NR3C2: variants seen among roughly 807,000 people sequenced by gnomAD.
NR3C2 encodes nuclear receptor subfamily 3 group C member 2.
Under a neutral mutation model 86.4 loss-of-function variants are expected in NR3C2, and 15 were observed. The ratio of observed to expected loss-of-function variants is 0.17; its 90% CI spans 0.12 to 0.27. The LOEUF is 0.27. Among genes scored for constraint, NR3C2 ranks in the 10% least tolerant of loss-of-function variants. The pLI is 1.00. For missense variants in NR3C2, 960 were observed against 1,195.6 expected, an observed-to-expected ratio of 0.80 and a Z score of 2.91; for synonymous variants, 458 against 450.5, an observed-to-expected ratio of 1.02 and a Z score of -0.21.
chr4:148,347,864 C>A (rs757458666), intron 2 of NR3C2, among the ~76,000 whole-genome samples: 3 of 152,106 alleles, frequency 2.0e-5, no homozygotes, highest in Non-Finnish European at 2.9e-5. Context: ...TTTCCAATCA[C>A]TACATCCTTA....
intron 2 of NR3C2, among the ~76,000 whole-genome samples, chr4:148,366,015 C>A (rs1012685285): frequency 7.9e-5 from 12 of 151,990 alleles, no homozygotes; most frequent in African/African-American, 1.2e-4. Context: ...AACAAAAAAA[C>A]CCCAGAAAAC....
intron 2 of NR3C2, among the ~76,000 whole-genome samples, chr4:148,388,465 T>C (rs1010644748): frequency 1.3e-5 from 2 of 152,194 alleles, no homozygotes; most frequent in Non-Finnish European, 2.9e-5. Flanking sequence ...TCAACCTATG[T>C]GGAGAGAATG....
chr4:148,318,893 T>C (rs903154884), intron 2 of NR3C2, among the ~76,000 whole-genome samples: 1 of 151,254 alleles, frequency 6.6e-6, no homozygotes, highest in Non-Finnish European at 1.5e-5. Context: ...AGATCCCATT[T>C]GTCAATTTTG....
At chr4:148,442,972 C>T (rs1053465273), upstream of NR3C2, 23 of 985,282 alleles carry the variant, frequency 2.3e-5, no homozygotes, top group South Asian at 4.7e-5. Flanking sequence ...TGAGCTGCAG[C>T]CCAGACCCTG....
intron 2 of NR3C2, among the ~76,000 whole-genome samples, chr4:148,369,178 G>T (rs1746291172): frequency 6.6e-6 from 1 of 152,154 alleles, no homozygotes; most frequent in East Asian, 1.9e-4. Context: ...AACTAATCCA[G>T]AATGGATTAC....
intron 2 of NR3C2, among the ~76,000 whole-genome samples, chr4:148,305,634 T>C (rs1406959938): frequency 6.6e-6 from 1 of 151,972 alleles, no homozygotes; most frequent in Non-Finnish European, 1.5e-5. Context: ...TCAGGATAAA[T>C]TTCTTCTGCA....
At chr4:148,187,117 G>A (rs1236473838) in intron 4 of NR3C2, among the ~76,000 whole-genome samples, 1 of 148,434 alleles carries the variant, frequency 6.7e-6, no homozygotes, top group African/African-American at 2.5e-5. Flanking sequence ...CTTGTTGATT[G>A]ATGGGCATTT....
At chr4:148,194,944 T>C in intron 3 of NR3C2, 82 bp from the exon 4 acceptor site, 1 of 1,001,434 alleles carries the variant, frequency 1.0e-6, no homozygotes, top group African/African-American at 1.6e-5. Flanking sequence ...AATATAAAAC[T>C]ACTTCTTTCC....
rs114564745 is a variant in NR3C2, at chr4:148,204,530, A to G, written c.1898-9668T>C. ...TATTATCCCCATTTTGTCAATTAAG[A>G]CAAATTCGGAGTGGTAAAATTATGT... is the stretch of plus-strand genomic sequence containing the variant. On this transcript the variant is annotated intron_variant, in intron 3 of 8. Coordinates refer to ENST00000358102, the MANE Select transcript of NR3C2 (RefSeq NM_000901.5). Among the ~76,000 whole-genome samples, 412 of 152,310 alleles carry G rather than the reference A, an allele frequency of 2.7e-3. 4 individuals carry two copies. The highest frequency in any genetic ancestry group is 9.3e-3 in the African/African-American group (388 of 41,560).
At chr4:148,215,687 T>C (rs974698033) in intron 3 of NR3C2, among the ~76,000 whole-genome samples, 7 of 151,996 alleles carry the variant, frequency 4.6e-5, no homozygotes, top group African/African-American at 1.7e-4. Flanking sequence ...TTGAGAAAGG[T>C]GACAATTAAC....
At chr4:148,172,576 C>T (rs546319119) in intron 4 of NR3C2, among the ~76,000 whole-genome samples, 1 of 152,150 alleles carries the variant, frequency 6.6e-6, no homozygotes, top group African/African-American at 2.4e-5. Context: ...ATAATGAAAT[C>T]TTTTGTGTCT....
At chr4:148,399,190 A>G (rs1168408298) in intron 2 of NR3C2, among the ~76,000 whole-genome samples, 1 of 152,172 alleles carries the variant, frequency 6.6e-6, no homozygotes, top group Non-Finnish European at 1.5e-5. Context: ...TAACTGTCTC[A>G]GTAGGCCTGC....
chr4:148,189,494 A>G (rs928093679), intron 4 of NR3C2, among the ~76,000 whole-genome samples: 1 of 152,018 alleles, frequency 6.6e-6, no homozygotes, highest in Non-Finnish European at 1.5e-5. Context: ...ATCAGTCTGT[A>G]GTTTTCTTTT....
intron 3 of NR3C2, among the ~76,000 whole-genome samples, chr4:148,227,123 C>T (rs1738215240): frequency 1.3e-5 from 2 of 151,994 alleles, no homozygotes; most frequent in African/African-American, 4.8e-5. Flanking sequence ...ATCGGTTGTC[C>T]ACCTATGTCC....
chr4:148,432,473 G>A (rs1338143327), intron 2 of NR3C2, among the ~76,000 whole-genome samples: 2 of 152,010 alleles, frequency 1.3e-5, no homozygotes, highest in Admixed American at 1.3e-4. Context: ...ATTTTGGGTG[G>A]ATATTTTAAC....
At chr4:148,158,589 C>T (rs1734509409) in intron 4 of NR3C2, among the ~76,000 whole-genome samples, 1 of 152,080 alleles carries the variant, frequency 6.6e-6, no homozygotes, top group Admixed American at 6.6e-5. Flanking sequence ...TTTATAGGAC[C>T]ACATCTGACG....
At chr4:148,082,649 C>T (rs373663842) in intron 8 of NR3C2, among the ~76,000 whole-genome samples, 9 of 147,586 alleles carry the variant, frequency 6.1e-5, no homozygotes, top group African/African-American at 1.7e-4. Flanking sequence ...TTAGGGCAGA[C>T]ACTGAGCTAG....
intron 4 of NR3C2, among the ~76,000 whole-genome samples, chr4:148,173,115 T>C (rs1488837579): frequency 6.6e-6 from 1 of 152,122 alleles, no homozygotes; most frequent in Non-Finnish European, 1.5e-5. Flanking sequence ...GAGAGACTTC[T>C]TGGAAGGGAG....
At chr4:148,313,930 C>T (rs940069021) in intron 2 of NR3C2, among the ~76,000 whole-genome samples, 14 of 152,106 alleles carry the variant, frequency 9.2e-5, no homozygotes, top group Non-Finnish European at 7.4e-5. Context: ...ATAACCTATG[C>T]ATTACATCTT....
Sources: gnomAD v4.1 joint callset for allele counts (sites outside exome capture counted in the v4.1 genomes callset) on GRCh38, gnomAD v4.1.1 for gene constraint, MANE v1.5 for transcripts, NCBI Gene and HGNC (gene_info 2026-07-23, HGNC 2026-07-21) for gene names.